Variants in NSMAF observed in about 807,000 individuals in gnomAD.
NSMAF encodes protein FAN.
NSMAF carries 90 observed loss-of-function variants against 134.9 expected under a neutral mutation model. The observed-to-expected ratio is 0.67, with a 90% CI of 0.56 to 0.79. The LOEUF (loss-of-function observed/expected upper bound fraction) is 0.79. NSMAF is among the 30% of genes least tolerant of loss of function. The pLI, the probability that NSMAF is intolerant of heterozygous loss-of-function variation, is 0.00. For missense variants in NSMAF, 1,010 were observed against 1,119.0 expected (o/e 0.90, Z 1.39); for synonymous variants, 358 against 389.6 (o/e 0.92, Z 0.96).
At position 58,595,583 on chromosome 8, in the gene NSMAF, G is replaced by A. The variant is rs770140550; in HGVS notation, c.1869C>T (p.His623=). The A allele has an allele frequency of 2.2e-5, 35 of 1,613,316 alleles. No individual in the cohort carries two copies. The highest frequency in any genetic ancestry group is 1.6e-4 in the Middle Eastern group (1 of 6,084). Residue 623 remains histidine (H), a synonymous_variant, in exon 22 of 31, where the codon CAC becomes CAT. Transcript: ENST00000038176. ...AWNNITKLQL[H]EHYKIHKEAV... is the part of the protein sequence containing the mutation. The stretch of plus-strand genomic sequence containing the variant: ...ACTCTTTGTGGATTTTATAGTGCTC[G>A]TGTAACTGCAGTTTGGTGATGTTAT...
Position 58,603,365 on chromosome 8 carries a change from G to C in NSMAF, c.890C>G (p.Thr297Ser), listed in dbSNP as rs372894829. The change falls in exon 13 of 31, where the codon ACT becomes AGT. Residue 297 changes from threonine (T) to serine (S), a missense_variant. By Grantham distance (58) the Thr-to-Ser change is moderately conservative (BLOSUM62 1). Coordinates refer to ENST00000038176, the MANE Select transcript of NSMAF (RefSeq NM_003580.4). Reference protein sequence around the residue: ...TYLEHHVAEHTAESYMLQWQR... With the variant: ...TYLEHHVAEHSAESYMLQWQR... Reference sequence around the variant, plus strand: ...CCACTGCAGCATGTAGCTCTCAGCAGTGTGCTCCGCCACATGGTGCTCTGG... The same window carrying C: ...CCACTGCAGCATGTAGCTCTCAGCACTGTGCTCCGCCACATGGTGCTCTGG... 1.9e-6 allele frequency: 3 copies of C among 1,613,930 alleles called. No individual in the cohort carries two copies. Among genetic ancestry groups the C allele is most frequent in the Non-Finnish European group, 2.5e-6 (3 of 1,180,020 alleles).
chr8:58,615,964 T>A (rs1424831070), intron 9 of NSMAF, among the ~76,000 whole-genome samples: 2 of 152,078 alleles, frequency 1.3e-5, no homozygotes, highest in African/African-American at 4.8e-5. Flanking sequence ...GCATAATGAA[T>A]GAAAGAAGGG....
chr8:58,607,670 T>C (rs1404383883), intron 11 of NSMAF, 99 bp downstream of exon 11: 1 of 891,924 alleles, frequency 1.1e-6, no homozygotes. Context: ...ACAGTGTACT[T>C]GTACTTTCAG....
At chr8:58,645,114 A>T (rs76002125) in intron 1 of NSMAF, among the ~76,000 whole-genome samples, 5 of 117,830 alleles carry the variant, frequency 4.2e-5, no homozygotes, top group East Asian at 2.1e-4. Context: ...AAGTATAATT[A>T]AAAAAAAAAA....
chr8:58,607,801 T>TG lies in NSMAF; in HGVS notation c.726dup (p.Ile243HisfsTer21), dbSNP rs754059379. The TG allele has an allele frequency of 1.1e-5, 17 of 1,614,108 alleles. 1 individual carries two copies. The South Asian group carries it at 1.8e-4, about 17-fold the overall frequency. On this transcript the variant is annotated frameshift_variant, in exon 11 of 31. Transcript: ENST00000038176. LOFTEE classifies it high-confidence loss of function. The stretch of plus-strand genomic sequence containing the variant: ...ATGAGGCCGTGCCTCCTTTTGTAGA[T>TG]GCGGCGGACATCTTGGAGTGTTATC...
At chr8:58,637,479 T>A in intron 2 of NSMAF, 1 of 430,100 alleles carries the variant, frequency 2.3e-6, no homozygotes, top group South Asian at 1.7e-5. Flanking sequence ...TTCAACATAG[T>A]ACTGGAAATC....
intron 21 of NSMAF, among the ~76,000 whole-genome samples, chr8:58,596,090 T>C (rs1806130484): frequency 6.6e-6 from 1 of 152,220 alleles, no homozygotes; most frequent in African/African-American, 2.4e-5. Context: ...GTAATCCTTT[T>C]ACTTCTGCTT....
intron 19 of NSMAF, among the ~76,000 whole-genome samples, chr8:58,598,163 T>A (rs561493015): frequency 6.6e-6 from 1 of 152,168 alleles, no homozygotes; most frequent in Non-Finnish European, 1.5e-5. Context: ...ACTTATAGAA[T>A]TAATAAGACG....
intron 1 of NSMAF, chr8:58,659,344 CA>C (rs1563549394): frequency 2.0e-6 from 3 of 1,526,944 alleles, no homozygotes; most frequent in East Asian, 2.6e-5. Flanking sequence ...CCTGGCCCGT[CA>C]TCCAGTTCCT....
chr8:58,658,757 G>C (rs1433199890), intron 1 of NSMAF, among the ~76,000 whole-genome samples: 1 of 152,192 alleles, frequency 6.6e-6, no homozygotes, highest in Non-Finnish European at 1.5e-5. Flanking sequence ...GCCGAAGTGA[G>C]CTTTCTTATG....
At chr8:58,599,428 C>A in intron 18 of NSMAF, 65 bp from the exon 19 acceptor site, 2 of 1,558,970 alleles carry the variant, frequency 1.3e-6, no homozygotes, top group East Asian at 2.2e-5. Flanking sequence ...TTTCTCTTGT[C>A]TATCTATATG....
In NSMAF at chr8:58,607,799, G is replaced by T; in HGVS notation, c.729C>A (p.Ile243=). 1 of 1,614,178 alleles carries T rather than the reference G, an allele frequency of 6.2e-7. No individual in the cohort carries two copies. Residue 243 remains isoleucine, a synonymous_variant, in exon 11 of 31, where the codon ATC becomes ATA. Coordinates refer to ENST00000038176, the MANE Select transcript of NSMAF (RefSeq NM_003580.4). ...GCATGAGGCCGTGCCTCCTTTTGTA[G>T]ATGCGGCGGACATCTTGGAGTGTTA... ...VQITLQDVRR[I]YKRRHGLMPL...
rs529061722 is a variant in NSMAF at position 58,656,597 on chromosome 8, CGGGT to C, written c.59+2972_59+2975del. The stretch of plus-strand genomic sequence containing the variant: ...ATCCCAGCACTTTGGGAGGCCAAGG[CGGGT>C]GGGTGGATCACGAGGTCAGGAGATC... On this transcript the variant is annotated intron_variant, in intron 1 of 30. Transcript: ENST00000038176. Among the ~76,000 whole-genome samples, 1,336 of 152,020 alleles carry C rather than the reference CGGGT, an allele frequency of 8.8e-3. 21 individuals carry two copies. Among genetic ancestry groups the C allele is most frequent in the African/African-American group, 0.03 (1,256 of 41,488 alleles).
At chr8:58,635,600 T>C (rs2129146315) in intron 2 of NSMAF, 54 bp from the exon 3 acceptor site, 3 of 1,068,176 alleles carry the variant, frequency 2.8e-6, no homozygotes, top group Non-Finnish European at 4.2e-6. Flanking sequence ...AATCACAAGA[T>C]AATCATAGTA....
At chr8:58,604,642 TA>T (rs1463278235) in intron 12 of NSMAF, among the ~76,000 whole-genome samples, 2 of 151,830 alleles carry the variant, frequency 1.3e-5, no homozygotes, top group East Asian at 3.8e-4. Flanking sequence ...ATTTCATTTC[TA>T]AGGGAAGATG....
intron 2 of NSMAF, among the ~76,000 whole-genome samples, chr8:58,640,360 G>A (rs757617194): frequency 6.6e-6 from 1 of 152,074 alleles, no homozygotes; most frequent in Non-Finnish European, 1.5e-5. Context: ...GAAAAAAGGA[G>A]GAAAGTGCAT....
chr8:58,590,937 A>G lies in NSMAF; in HGVS notation c.1952-3T>C, dbSNP rs1806008121. On this transcript the variant is annotated splice_polypyrimidine_tract_variant and splice_region_variant and intron_variant, in intron 23 of 30. Transcript: ENST00000038176. ...AGAAAACATCTTCAAGGTGGAATCT[A>G]ATTTAATAATGAGAAGTAGATATAT... The G allele has an allele frequency of 6.4e-7, 1 of 1,568,796 alleles. No individual in the cohort carries two copies. The highest frequency in any genetic ancestry group is 1.7e-5 in the Admixed American group (1 of 58,014).
intron 23 of NSMAF, among the ~76,000 whole-genome samples, chr8:58,592,637 C>T (rs1367508191): frequency 6.6e-6 from 1 of 152,206 alleles, no homozygotes; most frequent in Non-Finnish European, 1.5e-5. Context: ...CCTGTAATCC[C>T]AGCACGTTGG....
intron 14 of NSMAF, 75 bp downstream of exon 14, chr8:58,601,983 G>A (rs570705039): frequency 3.3e-6 from 4 of 1,204,138 alleles, no homozygotes; most frequent in East Asian, 4.8e-5. Flanking sequence ...TTGGAGAAAC[G>A]AATTTCCTTC....
Sources: allele counts gnomAD v4.1 joint callset (sites outside exome capture counted in the v4.1 genomes callset), GRCh38; gene constraint gnomAD v4.1.1; transcripts MANE v1.5; gene names NCBI Gene and HGNC (gene_info 2026-07-23, HGNC 2026-07-21).